Variants in GUCY1A2 observed in about 807,000 individuals in gnomAD.
GUCY1A2 encodes guanylate cyclase soluble subunit alpha-2.
A neutral mutation model predicts 63.5 loss-of-function variants in GUCY1A2; 27 were observed. That is an observed-to-expected ratio of 0.43 (90% CI 0.31 to 0.59). The LOEUF is 0.59. GUCY1A2 is among the 20% of genes least tolerant of loss of function. The pLI is 0.11. For missense variants in GUCY1A2, 768 were observed against 913.3 expected (o/e 0.84, Z 2.05); for synonymous variants, 364 against 343.5 (o/e 1.06, Z -0.66).
intron 5 of GUCY1A2, among the ~76,000 whole-genome samples, chr11:106,788,523 T>G (rs955324548): frequency 9.2e-5 from 14 of 152,242 alleles, no homozygotes; most frequent in African/African-American, 3.1e-4. Context: ...GTTTGAGGTC[T>G]TAGATTTAAG....
At chr11:106,781,124 A>AG (rs936376690) in intron 5 of GUCY1A2, among the ~76,000 whole-genome samples, 5 of 148,944 alleles carry the variant, frequency 3.4e-5, no homozygotes, top group Non-Finnish European at 6.0e-5. Context: ...AAAAAAAAAA[A>AG]AAAAAAAAAG....
chr11:106,826,475 G>A, intron 4 of GUCY1A2: 3 of 1,595,796 alleles, frequency 1.9e-6, no homozygotes, highest in Non-Finnish European at 2.6e-6. Flanking sequence ...TTTAAGATTA[G>A]GTTTTCAAAT....
chr11:106,849,302 A>T (rs1407979304), intron 4 of GUCY1A2, among the ~76,000 whole-genome samples: 1 of 150,856 alleles, frequency 6.6e-6, no homozygotes, highest in Non-Finnish European at 1.5e-5. Flanking sequence ...CTTACAATTT[A>T]TAAATTAAGC....
intron 1 of GUCY1A2, among the ~76,000 whole-genome samples, chr11:107,015,624 C>T (rs937374168): frequency 7.7e-6 from 1 of 130,416 alleles, no homozygotes; most frequent in Non-Finnish European, 1.6e-5. Flanking sequence ...CAACAATTCT[C>T]CCCAAACTAA....
In GUCY1A2 at chr11:106,684,391, C is replaced by A. The variant is rs555682632; in HGVS notation, c.*3158G>T. 2.1e-5 allele frequency: 4 copies of A among 191,250 alleles called. No individual in the cohort carries two copies. In the East Asian group the frequency reaches 2.5e-4, roughly 12 times the overall value. The allele number at this position is 191,250 out of a possible 1,614,324, so 11.8% of individuals were successfully genotyped here. A position where few individuals can be genotyped will look rare whatever the true frequency, so the allele number is the denominator to read the frequency against. On this transcript the variant is annotated 3_prime_UTR_variant, in exon 8 of 8. Transcript: ENST00000526355. ...AGCTATGTCTTCTTCCCCTTCTCTACGTTATATAGACAAGAGATCCAACTA... is the reference window on the plus strand; with the variant it reads ...AGCTATGTCTTCTTCCCCTTCTCTAAGTTATATAGACAAGAGATCCAACTA...
chr11:106,773,470 A>G (rs1387429987), intron 6 of GUCY1A2, among the ~76,000 whole-genome samples: 1 of 152,152 alleles, frequency 6.6e-6, no homozygotes, highest in African/African-American at 2.4e-5. Flanking sequence ...AGACTGTTAC[A>G]AAAACTATTC....
intron 3 of GUCY1A2, among the ~76,000 whole-genome samples, chr11:106,956,838 A>C (rs2120046060): frequency 6.6e-6 from 1 of 152,178 alleles, no homozygotes; most frequent in East Asian, 1.9e-4. Flanking sequence ...CTAGGGGAAA[A>C]CCCACTCATC....
intron 5 of GUCY1A2, among the ~76,000 whole-genome samples, chr11:106,808,792 C>T (rs539098021): frequency 6.6e-6 from 1 of 152,238 alleles, no homozygotes; most frequent in South Asian, 2.1e-4. Context: ...CTGATCTCCT[C>T]TGTCCTGGAA....
chr11:106,842,261 T>C (rs1859209242), intron 4 of GUCY1A2, among the ~76,000 whole-genome samples: 1 of 151,940 alleles, frequency 6.6e-6, no homozygotes, highest in African/African-American at 2.4e-5. Context: ...CCACCATTGC[T>C]AGTCCCTAGG....
intron 6 of GUCY1A2, among the ~76,000 whole-genome samples, chr11:106,747,233 C>T (rs3763818): frequency 0.24 from 36,390 of 152,102 alleles, 4,782 homozygotes; most frequent in Middle Eastern, 0.29. Context: ...CGTGATCTGC[C>T]CGCCTCGGCC....
intron 1 of GUCY1A2, among the ~76,000 whole-genome samples, chr11:107,006,670 T>C (rs533280604): frequency 5.3e-5 from 8 of 152,308 alleles, no homozygotes; most frequent in Admixed American, 2.6e-4. Context: ...TCCTCAGTGC[T>C]TCTACATAGA....
chr11:106,680,433 A>C lies in GUCY1A2; in HGVS notation c.*7116T>G, dbSNP rs1198227969. On this transcript the variant is annotated 3_prime_UTR_variant, in exon 8 of 8. Transcript: ENST00000526355. ...AAAATATGTATCAAAAGAATCAAAA[A>C]GTAACTATTACTCAGACCTGCCATT... 4.8e-6 allele frequency: 1 copy of C among 207,886 alleles called. No individual in the cohort carries two copies. Among genetic ancestry groups the C allele is most frequent in the Non-Finnish European group, 9.8e-6 (1 of 102,056 alleles). 12.9% of individuals were successfully genotyped at this position (207,886 alleles called of 1,614,324 possible). A position where few individuals can be genotyped will look rare whatever the true frequency, so the allele number is the denominator to read the frequency against.
chr11:106,931,285 G>A (rs186959273), intron 4 of GUCY1A2, among the ~76,000 whole-genome samples: 2 of 152,174 alleles, frequency 1.3e-5, no homozygotes, highest in East Asian at 1.9e-4. Context: ...TAGTCATCAG[G>A]GAAGTATAAC....
Position 106,978,753 on chromosome 11 carries a change from C to G in GUCY1A2, c.366-13G>C, listed in dbSNP as rs200763642. 2.9e-4 allele frequency: 460 copies of G among 1,583,472 alleles called. No individual in the cohort carries two copies. Among genetic ancestry groups the G allele is most frequent in the Non-Finnish European group, 3.8e-4 (440 of 1,166,284 alleles). ...TGCATCCCTGTAACTAAGAAGAAAA[C>G]AAAATTAGCATAAGGAGAAATTTTT... On this transcript the variant is annotated splice_polypyrimidine_tract_variant and intron_variant, in intron 2 of 7. Coordinates refer to ENST00000526355, the MANE Select transcript of GUCY1A2 (RefSeq NM_000855.3).
At chr11:106,690,255 GAC>G (rs1490018227) in intron 7 of GUCY1A2, among the ~76,000 whole-genome samples, 1 of 152,106 alleles carries the variant, frequency 6.6e-6, no homozygotes, top group Non-Finnish European at 1.5e-5. Context: ...CAATAGCAAA[GAC>G]ATGGAATCAA....
At chr11:106,761,451 G>GT (rs975926875) in intron 6 of GUCY1A2, among the ~76,000 whole-genome samples, 1 of 152,090 alleles carries the variant, frequency 6.6e-6, no homozygotes, top group South Asian at 2.1e-4. Flanking sequence ...TAGTTGCAAC[G>GT]TTTTTTCAGA....
At chr11:106,835,656 G>T (rs1014379639) in intron 4 of GUCY1A2, among the ~76,000 whole-genome samples, 1 of 151,232 alleles carries the variant, frequency 6.6e-6, no homozygotes, top group Non-Finnish European at 1.5e-5. Flanking sequence ...ATAGCACAGA[G>T]ATCATAAAAG....
At chr11:106,689,294 G>A (rs1862580838) in intron 7 of GUCY1A2, among the ~76,000 whole-genome samples, 1 of 151,938 alleles carries the variant, frequency 6.6e-6, no homozygotes, top group African/African-American at 2.4e-5. Flanking sequence ...TAGAGCTATA[G>A]TATTTTGATT....
intron 4 of GUCY1A2, among the ~76,000 whole-genome samples, chr11:106,884,261 CA>C (rs1360612490): frequency 6.6e-6 from 1 of 152,018 alleles, no homozygotes; most frequent in Non-Finnish European, 1.5e-5. Flanking sequence ...TCTGTTTTTA[CA>C]AAGTAATATT....
Sources: gnomAD v4.1 joint callset for allele counts (sites outside exome capture counted in the v4.1 genomes callset) on GRCh38, gnomAD v4.1.1 for gene constraint, MANE v1.5 for transcripts, NCBI Gene and HGNC (gene_info 2026-07-23, HGNC 2026-07-21) for gene names.